The following PNPLA7 variants were observed in gnomAD, a reference collection of about 807,000 sequenced individuals.
PNPLA7 encodes patatin like domain 7, lysophospholipase.
A neutral mutation model predicts 161.7 loss-of-function variants in PNPLA7; 153 were observed. The ratio of observed to expected loss-of-function variants is 0.95; its 90% confidence interval spans 0.83 to 1.08. The LOEUF is 1.08. Ranked by LOEUF, PNPLA7 falls within the 50% of genes least tolerant of loss-of-function variation. The pLI, the probability that PNPLA7 is intolerant of heterozygous loss-of-function variation, is 0.00. For synonymous variants in PNPLA7, 809 were observed against 782.1 expected (o/e 1.03, Z -0.57); for missense variants, 1,739 against 1,856.6 (o/e 0.94, Z 1.16).
rs1406444768 is a variant in PNPLA7 at position 137,541,001 on chromosome 9, G to A, written c.667-279C>T. On this transcript the variant is annotated intron_variant, in intron 7 of 34. Coordinates refer to ENST00000406427, the MANE Select transcript of PNPLA7 (RefSeq NM_001098537.3). This position sits in a 1 kb window ranked among gnomAD's most constrained non-coding sequence, Gnocchi z 4.4. ...AATGTGGGGACTGAGGCAAAAGCTCGCAGAGCCTGTTTGTTTGCTGAGCTA... is the reference window on the plus strand; with the variant it reads ...AATGTGGGGACTGAGGCAAAAGCTCACAGAGCCTGTTTGTTTGCTGAGCTA... 3 of 409,514 alleles carry A rather than the reference G, an allele frequency of 7.3e-6. No individual in the cohort carries two copies. The highest frequency in any genetic ancestry group is 3.5e-5 in the Admixed American group (1 of 28,734). The allele number at this position is 409,514 out of a possible 1,614,324, so 25.4% of individuals were successfully genotyped here.
chr9:137,504,699 T>C (rs1360400472), intron 14 of PNPLA7, among the ~76,000 whole-genome samples: 1 of 151,712 alleles, frequency 6.6e-6, no homozygotes, highest in Non-Finnish European at 1.5e-5. Flanking sequence ...TGGTGATGCC[T>C]CAGAAGGAGT....
At chr9:137,539,051 C>CA (rs912876591) in intron 8 of PNPLA7, among the ~76,000 whole-genome samples, 4 of 151,540 alleles carry the variant, frequency 2.6e-5, no homozygotes, top group African/African-American at 7.3e-5. Context: ...GACCCTGTCT[C>CA]AAAAAAAACA....
chr9:137,528,976 A>G (rs1835441561), intron 8 of PNPLA7, among the ~76,000 whole-genome samples: 1 of 152,182 alleles, frequency 6.6e-6, no homozygotes, highest in Admixed American at 6.5e-5. Context: ...CTGGGATTAC[A>G]GGCGTGAGCC....
chr9:137,460,499 A>G, intron 34 of PNPLA7, 23 bp from the exon 35 acceptor site: 1 of 1,611,590 alleles, frequency 6.2e-7, no homozygotes. Flanking sequence ...CGCATGTTCC[A>G]GGTGAGGACC....
intron 1 of PNPLA7, among the ~76,000 whole-genome samples, chr9:137,549,254 G>A (rs1281444716): frequency 1.3e-5 from 2 of 151,730 alleles, no homozygotes; most frequent in South Asian, 2.1e-4. Flanking sequence ...AGGCCGAGGC[G>A]GGCAGATCAT....
At chr9:137,461,894 C>T in intron 32 of PNPLA7, 37 bp downstream of exon 32, 1 of 1,505,394 alleles carries the variant, frequency 6.6e-7, no homozygotes, top group Middle Eastern at 2.3e-4. Context: ...TGGGCGCGGT[C>T]CGGGGAGCTG....
At chr9:137,550,129 A>C in intron 1 of PNPLA7, 39 bp downstream of exon 1, 1 of 1,612,104 alleles carries the variant, frequency 6.2e-7, no homozygotes, top group Non-Finnish European at 8.5e-7. Context: ...ATGCCCCCCA[A>C]CTGGGAAATC....
chr9:137,545,649 C>T (rs1386450930), intron 4 of PNPLA7, among the ~76,000 whole-genome samples: 9 of 152,192 alleles, frequency 5.9e-5, no homozygotes, highest in East Asian at 1.9e-4. Flanking sequence ...TAGCTTGTAG[C>T]AATTACTCTT....
chr9:137,480,564 A>G, intron 22 of PNPLA7, 84 bp from the exon 23 acceptor site: 1 of 1,445,968 alleles, frequency 6.9e-7, no homozygotes, highest in Non-Finnish European at 9.3e-7. Flanking sequence ...GAGGCAGCAG[A>G]GGCCAGCACC....
At chr9:137,507,194 G>T (rs557772382) in intron 12 of PNPLA7, among the ~76,000 whole-genome samples, 2 of 152,226 alleles carry the variant, frequency 1.3e-5, no homozygotes, top group Non-Finnish European at 1.5e-5. Flanking sequence ...TCATGCCCCC[G>T]TCAAGTCCTG....
chr9:137,518,643 C>T, intron 11 of PNPLA7, among the ~76,000 whole-genome samples: 1 of 79,368 alleles, frequency 1.3e-5, no homozygotes, highest in African/African-American at 5.4e-5. Context: ...CTGCTCACTC[C>T]ATCCCCCACT....
At chr9:137,542,583 G>A (rs1836263100) in intron 7 of PNPLA7, 59 bp downstream of exon 7, 2 of 1,430,846 alleles carry the variant, frequency 1.4e-6, no homozygotes, top group Admixed American at 5.1e-5. Context: ...AGCCCGAGAA[G>A]ACAGACGTGG....
rs761863658 is a variant in PNPLA7, at chr9:137,506,044, C to T, written c.1265G>A (p.Cys422Tyr). 9 of 1,613,182 alleles carry T rather than the reference C, an allele frequency of 5.6e-6. No individual in the cohort carries two copies. The highest frequency in any genetic ancestry group is 7.6e-6 in the Non-Finnish European group (9 of 1,179,840). ...GSATSDLGMA[C>Y]DRARVFLHSD... The stretch of plus-strand genomic sequence containing the variant: ...GTGCAGGAAGACCCTGGCACGGTCA[C>T]ATGCCATCCCCAGATCAGAAGTGGC... Residue 422 changes from cysteine (C) to tyrosine (Y), a missense_variant, in exon 13 of 35, where the codon TGT becomes TAT. Cys to Tyr is a radical substitution (Grantham distance 194). Transcript: ENST00000406427.
intron 34 of PNPLA7, 66 bp downstream of exon 34, chr9:137,460,568 C>T: frequency 6.3e-7 from 1 of 1,595,384 alleles, no homozygotes; most frequent in African/African-American, 1.3e-5. Flanking sequence ...GAGGGAGTGG[C>T]CGGCACAGGG....
rs542511786 is a variant in PNPLA7, at chr9:137,529,656, GTT to G, written c.748-6801_748-6800del. Among the ~76,000 whole-genome samples the G allele has an allele frequency of 3.7e-3, 440 of 119,106 alleles. 1 individual carries two copies. The highest frequency in any genetic ancestry group is 0.014 in the African/African-American group (420 of 30,488). The allele number at this position is 119,106 out of a possible 152,430, so 78.1% of individuals were successfully genotyped here. On this transcript the variant is annotated intron_variant, in intron 8 of 34. Coordinates refer to ENST00000406427, the MANE Select transcript of PNPLA7 (RefSeq NM_001098537.3). ...GATTCGAGGTGAAGTTTGAATCTTT[GTT>G]TTTTTTTTTTTTTTTTTGAGACGGA...
intron 4 of PNPLA7, among the ~76,000 whole-genome samples, chr9:137,545,409 C>T (rs943043792): frequency 3.3e-5 from 5 of 152,150 alleles, no homozygotes; most frequent in Admixed American, 1.3e-4. Context: ...AACCTCTGGC[C>T]GAGCGTGAGG....
At position 137,464,425 on chromosome 9, in the gene PNPLA7, T is replaced by C; in HGVS notation, c.3071A>G (p.Asp1024Gly). 1.2e-6 allele frequency: 2 copies of C among 1,613,720 alleles called. No individual in the cohort carries two copies. The highest frequency in any genetic ancestry group is 1.7e-6 in the Non-Finnish European group (2 of 1,179,940). ...GMTSLMKAALDLTYPITSMFS... is the reference protein window; with the variant it reads ...GMTSLMKAALGLTYPITSMFS... ...CATGGACGTGATGGGGTAGGTGAGG[T>C]CCAGCGCGGCCTTCATCAAGGACGT... Residue 1024 changes from aspartate (D) to glycine (G), a missense_variant, in exon 27 of 35, where the codon GAC (aspartate) becomes GGC (glycine). By Grantham distance (94) the Asp-to-Gly change is moderately conservative. Around this residue, in one of 6 missense-constraint regions of PNPLA7, gnomAD observed 703 missense variants for 694.6 expected, o/e 1.01. Coordinates refer to ENST00000406427, the MANE Select transcript of PNPLA7 (RefSeq NM_001098537.3).
chr9:137,495,445 CTTT>C, intron 18 of PNPLA7, among the ~76,000 whole-genome samples: 1 of 147,758 alleles, frequency 6.8e-6, no homozygotes, highest in African/African-American at 2.5e-5. Flanking sequence ...GAGAACACCT[CTTT>C]TTTTTTTTTC....
Position 137,503,996 on chromosome 9 carries a change from GAAGAAGAAAGAAGAAGGAA to G in PNPLA7, c.1473+1599_1473+1617del, listed in dbSNP as rs1588626622. Among the ~76,000 whole-genome samples the G allele has an allele frequency of 2.5e-4, 14 of 56,904 alleles. 1 individual carries two copies. In the East Asian group the frequency reaches 7.8e-3, roughly 32 times the overall value. 37.3% of individuals were successfully genotyped at this position (56,904 alleles called of 152,430 possible). A position where few individuals can be genotyped will look rare whatever the true frequency, so the allele number is the denominator to read the frequency against. On this transcript the variant is annotated intron_variant, in intron 14 of 34. Coordinates refer to ENST00000406427, the MANE Select transcript of PNPLA7 (RefSeq NM_001098537.3). ...AGAAGAAGGAAGAAGAAAGAAGCAA[GAAGAAGAAAGAAGAAGGAA>G]GAAGAAGAAGGAGGAGGAAGGAAGA...
Sources: gnomAD v4.1 joint callset for allele counts (sites outside exome capture counted in the v4.1 genomes callset) on GRCh38, gnomAD v4.1.1 for gene constraint, gnomAD v4.1.1 regional missense constraint, Gnocchi (gnomAD v3.1) non-coding constraint, MANE v1.5 for transcripts, NCBI Gene and HGNC (gene_info 2026-07-23, HGNC 2026-07-21) for gene names.